Variants in ADORA2B observed in about 807,000 individuals in gnomAD.
ADORA2B encodes the protein adenosine A2b receptor.
ADORA2B carries 18 observed loss-of-function variants against 20.8 expected under a neutral mutation model. The ratio of observed to expected loss-of-function variants is 0.87; its 90% CI spans 0.60 to 1.29. ADORA2B has a LOEUF of 1.29. ADORA2B is among the 50% of genes most tolerant of loss of function. ADORA2B has a pLI of 0.00. For missense variants in ADORA2B, 441 were observed against 422.7 expected (o/e 1.04, Z -0.38); for synonymous variants, 179 against 178.3 (o/e 1.00, Z -0.03).
the ADORA2B span, among the ~76,000 whole-genome samples, chr17:15,939,696 A>C: frequency 6.6e-6 from 1 of 151,898 alleles, no homozygotes; most frequent in Non-Finnish European, 1.5e-5. Flanking sequence ...GTCTCTACTA[A>C]AAATACAAAA....
the ADORA2B span, among the ~76,000 whole-genome samples, chr17:15,924,241 AG>A: frequency 1.3e-5 from 2 of 152,208 alleles, no homozygotes; most frequent in Non-Finnish European, 2.9e-5. Context: ...AGTCAAAGCT[AG>A]AAAGCCCTTC....
At chr17:15,890,931 A>G in the ADORA2B span, among the ~76,000 whole-genome samples, 5 of 152,252 alleles carry the variant, frequency 3.3e-5, no homozygotes, top group African/African-American at 1.2e-4. Flanking sequence ...AGGCCACTCA[A>G]GGTTTACCAG....
At chr17:15,872,595 C>T in the ADORA2B span, among the ~76,000 whole-genome samples, 1 of 152,116 alleles carries the variant, frequency 6.6e-6, no homozygotes, top group Non-Finnish European at 1.5e-5. Context: ...TGTGGTTCTT[C>T]TTGTACAGAT....
At chr17:15,973,619 T>C (rs1191215464) in intron 1 of ADORA2B, among the ~76,000 whole-genome samples, 2 of 152,212 alleles carry the variant, frequency 1.3e-5, no homozygotes, top group East Asian at 3.9e-4. Context: ...TATTGTGAAC[T>C]GTGCACGCAG....
the ADORA2B span, among the ~76,000 whole-genome samples, chr17:15,906,164 A>G: frequency 6.6e-6 from 1 of 152,230 alleles, no homozygotes; most frequent in African/African-American, 2.4e-5. Context: ...GACAGATGAG[A>G]AAAGCCATCC....
At chr17:15,946,463 G>T (rs568820058) in intron 1 of ADORA2B, among the ~76,000 whole-genome samples, 1 of 152,336 alleles carries the variant, frequency 6.6e-6, no homozygotes, top group Admixed American at 6.5e-5. Context: ...AGAGTTTGTT[G>T]AAAGTATTTA....
At chr17:15,968,791 G>A (rs748976235) in intron 1 of ADORA2B, among the ~76,000 whole-genome samples, 3 of 152,154 alleles carry the variant, frequency 2.0e-5, no homozygotes, top group Non-Finnish European at 2.9e-5. Flanking sequence ...CTCAGGAGGC[G>A]TGGTTTGATG....
chr17:15,903,543 G>A, the ADORA2B span, among the ~76,000 whole-genome samples: 938 of 152,230 alleles, frequency 6.2e-3, 5 homozygotes, highest in Middle Eastern at 0.027. Context: ...AAGCACCTAT[G>A]CTTCAAAATT....
At position 15,945,420 on chromosome 17, in the gene ADORA2B, C is replaced by T. The variant is rs758434013; in HGVS notation, c.172C>T (p.Leu58Phe). Residue 58 changes from leucine to phenylalanine, a missense_variant, in exon 1 of 2, where the codon CTC (leucine) becomes TTC (phenylalanine). Leu to Phe is a conservative substitution (Grantham distance 22). Transcript: ENST00000304222. ...GGCTGCGGCCGACGTGGCCGTGGGGCTCTTCGCCATCCCCTTTGCCATCAC... is the reference window on the plus strand; with the variant it reads ...GGCTGCGGCCGACGTGGCCGTGGGGTTCTTCGCCATCCCCTTTGCCATCAC... ...SLAAADVAVG[L>F]FAIPFAITIS... 1 of 1,613,598 alleles carries T rather than the reference C, an allele frequency of 6.2e-7. No homozygotes were observed. Among genetic ancestry groups the T allele is most frequent in the Non-Finnish European group, 8.5e-7 (1 of 1,179,954 alleles).
the ADORA2B span, among the ~76,000 whole-genome samples, chr17:15,908,126 C>A: frequency 6.6e-6 from 1 of 152,258 alleles, no homozygotes; most frequent in East Asian, 1.9e-4. Flanking sequence ...CCACCCAGAG[C>A]ACCCAGGCTA....
chr17:15,972,568 T>A (rs949053905), intron 1 of ADORA2B, among the ~76,000 whole-genome samples: 1 of 152,074 alleles, frequency 6.6e-6, no homozygotes, highest in African/African-American at 2.4e-5. Context: ...TAAGGTCACT[T>A]CCTTTCTTGG....
At chr17:15,864,604 A>G in the ADORA2B span, among the ~76,000 whole-genome samples, 1 of 152,200 alleles carries the variant, frequency 6.6e-6, no homozygotes, top group African/African-American at 2.4e-5. Context: ...AAGGTAGGGA[A>G]TGTGGGCTGG....
the ADORA2B span, among the ~76,000 whole-genome samples, chr17:15,928,632 C>G: frequency 6.6e-6 from 1 of 152,124 alleles, no homozygotes; most frequent in Non-Finnish European, 1.5e-5. Context: ...AGCAGAAACT[C>G]TGGAGAACAT....
chr17:15,956,085 T>G (rs75175589), intron 1 of ADORA2B, among the ~76,000 whole-genome samples: 1,579 of 152,376 alleles, frequency 0.01, 27 homozygotes, highest in African/African-American at 0.036. Context: ...TTCCCAGTGC[T>G]TTCTCATTCT....
chr17:15,897,927 CA>C, the ADORA2B span, among the ~76,000 whole-genome samples: 1 of 152,038 alleles, frequency 6.6e-6, no homozygotes, highest in African/African-American at 2.4e-5. Context: ...TATATTTCTT[CA>C]AATATTGAAT....
the ADORA2B span, among the ~76,000 whole-genome samples, chr17:15,856,419 C>T: frequency 6.0e-4 from 91 of 152,222 alleles, no homozygotes; most frequent in Admixed American, 2.2e-3. Flanking sequence ...TTTATAGCCG[C>T]GTGAAAACTG....
intron 1 of ADORA2B, among the ~76,000 whole-genome samples, chr17:15,964,436 G>A (rs1010040517): frequency 1.7e-4 from 25 of 151,380 alleles, no homozygotes; most frequent in African/African-American, 6.1e-4. Context: ...GTGAAACCCT[G>A]TCTCTACTAA....
the ADORA2B span, among the ~76,000 whole-genome samples, chr17:15,909,084 T>G: frequency 6.6e-6 from 1 of 152,058 alleles, no homozygotes; most frequent in Admixed American, 6.5e-5. Context: ...CTCAGCACTT[T>G]AGGAAGCCAA....
chr17:15,918,923 A>G, the ADORA2B span, among the ~76,000 whole-genome samples: 2 of 152,174 alleles, frequency 1.3e-5, no homozygotes, highest in Non-Finnish European at 2.9e-5. Context: ...GGACAGCCAG[A>G]GGCCCAGGCA....
Sources: gnomAD v4.1 joint callset for allele counts (sites outside exome capture counted in the v4.1 genomes callset) on GRCh38, gnomAD v4.1.1 for gene constraint, MANE v1.5 for transcripts, NCBI Gene and HGNC (gene_info 2026-07-23, HGNC 2026-07-21) for gene names.